The following SMARCC1 variants were observed in gnomAD, a reference collection of about 807,000 sequenced individuals.
SMARCC1 encodes the protein SWI/SNF related BAF chromatin remodeling complex subunit C1.
In SMARCC1, 43 loss-of-function variants were observed where a neutral mutation model predicts 147.4. That is an observed-to-expected ratio of 0.29 (90% CI 0.23 to 0.38). SMARCC1 has a LOEUF of 0.38. Among genes scored for constraint, SMARCC1 ranks in the 10% least tolerant of loss-of-function variants. The pLI is 1.00. For missense variants in SMARCC1, 1,119 were observed against 1,381.1 expected (o/e 0.81, Z 3.01); for synonymous variants, 495 against 484.4 (o/e 1.02, Z -0.29).
Position 47,768,050 on chromosome 3 carries a change from G to A in SMARCC1, c.315+4767C>T, listed in dbSNP as rs577797797. Reference sequence around the variant, plus strand: ...GTAGAGACGGGGCCTATGTTGCCCAGGCTAGTTTCAAACTCCTGGGCTCAA... The same window carrying A: ...GTAGAGACGGGGCCTATGTTGCCCAAGCTAGTTTCAAACTCCTGGGCTCAA... On this transcript the variant is annotated intron_variant, in intron 2 of 27. Transcript: ENST00000254480. Among the ~76,000 whole-genome samples the A allele has an allele frequency of 2.6e-5, 4 of 152,062 alleles. No homozygotes were observed. The East Asian group carries it at 7.7e-4, about 29-fold the overall frequency.
chr3:47,694,919 A>T (rs1432083534), intron 11 of SMARCC1, among the ~76,000 whole-genome samples: 1 of 152,192 alleles, frequency 6.6e-6, no homozygotes, highest in African/African-American at 2.4e-5. Flanking sequence ...TTAGGATTCT[A>T]GTCCTTTGTT....
chr3:47,761,286 A>G (rs1222098476), intron 2 of SMARCC1, among the ~76,000 whole-genome samples: 1 of 152,040 alleles, frequency 6.6e-6, no homozygotes, highest in Non-Finnish European at 1.5e-5. Context: ...TGGGTGACAG[A>G]GCAAGGCAGT....
chr3:47,588,080 C>G lies in SMARCC1; in HGVS notation c.*129G>C. On this transcript the variant is annotated 3_prime_UTR_variant, in exon 28 of 28. Coordinates refer to ENST00000254480, the MANE Select transcript of SMARCC1 (RefSeq NM_003074.4). ...GGGTGGTAAGAGGAGTGGGGAGGCA[C>G]GGGACACGTGCTTGGAGCTGTGAGA... 1 of 709,944 alleles carries G rather than the reference C, an allele frequency of 1.4e-6. No individual in the cohort carries two copies. Among genetic ancestry groups the G allele is most frequent in the Non-Finnish European group, 2.4e-6 (1 of 417,748 alleles). 44.0% of individuals were successfully genotyped at this position (709,944 alleles called of 1,614,324 possible).
chr3:47,660,032 C>T (rs1288709629), intron 21 of SMARCC1, among the ~76,000 whole-genome samples: 1 of 152,062 alleles, frequency 6.6e-6, no homozygotes, highest in Non-Finnish European at 1.5e-5. Context: ...AACAAAATTA[C>T]CATATAACTC....
chr3:47,765,489 C>T (rs919605455), intron 2 of SMARCC1, among the ~76,000 whole-genome samples: 1 of 151,876 alleles, frequency 6.6e-6, no homozygotes, highest in Admixed American at 6.6e-5. Flanking sequence ...AGAAACTAAA[C>T]CATTATTCCA....
chr3:47,780,958 C>T (rs1416350707), intron 1 of SMARCC1, among the ~76,000 whole-genome samples: 1 of 152,114 alleles, frequency 6.6e-6, no homozygotes, highest in Non-Finnish European at 1.5e-5. Flanking sequence ...GTGGTAAACA[C>T]TACGAAGAAA....
In SMARCC1 at chr3:47,686,033, G is replaced by C. The variant is rs776498284; in HGVS notation, c.1385+16C>G. ...CTGCTCAGTACCATGCTCACAGATG[G>C]AAGTGGTCCACTCACCAGTTATAAT... is the stretch of plus-strand genomic sequence containing the variant. On this transcript the variant is annotated intron_variant, in intron 14 of 27. Coordinates refer to ENST00000254480, the MANE Select transcript of SMARCC1 (RefSeq NM_003074.4). 3 of 1,611,264 alleles carry C rather than the reference G, an allele frequency of 1.9e-6. No homozygotes were observed. Among genetic ancestry groups the C allele is most frequent in the Non-Finnish European group, 2.5e-6 (3 of 1,177,988 alleles).
chr3:47,767,588 G>T lies in SMARCC1; in HGVS notation c.315+5229C>A, dbSNP rs910601513. On this transcript the variant is annotated intron_variant, in intron 2 of 27. Coordinates refer to ENST00000254480, the MANE Select transcript of SMARCC1 (RefSeq NM_003074.4). ...AAAAAAAAGTCCAAATAGTGAACTC[G>T]GCCGGGTGCGGTGGCTCACGCCTGT... 2.1e-5 allele frequency among the ~76,000 whole-genome samples: 3 copies of T among 145,902 alleles called. No individual in the cohort carries two copies. In the Admixed American group the frequency reaches 2.1e-4, roughly 10 times the overall value.
intron 11 of SMARCC1, among the ~76,000 whole-genome samples, chr3:47,698,133 C>G (rs2033876259): frequency 7.1e-6 from 1 of 140,826 alleles, no homozygotes; most frequent in Non-Finnish European, 1.5e-5. Flanking sequence ...ACAATGTCAT[C>G]AAATGAGGTA....
chr3:47,737,568 C>T (rs146840330), intron 4 of SMARCC1, among the ~76,000 whole-genome samples: 1 of 151,982 alleles, frequency 6.6e-6, no homozygotes, highest in South Asian at 2.1e-4. Flanking sequence ...TAAAACAATA[C>T]CTTTCAGAAC....
At chr3:47,745,066 G>A (rs766243165) in intron 3 of SMARCC1, among the ~76,000 whole-genome samples, 11 of 152,062 alleles carry the variant, frequency 7.2e-5, no homozygotes, top group East Asian at 5.8e-4. Flanking sequence ...TCAGGAGTTC[G>A]AGACCAGCCT....
chr3:47,710,865 T>C, intron 8 of SMARCC1, 57 bp from the exon 9 acceptor site: 1 of 1,470,854 alleles, frequency 6.8e-7, no homozygotes, highest in Non-Finnish European at 9.2e-7. Context: ...CTCAAGGTTT[T>C]ACAGTATTGA....
intron 3 of SMARCC1, among the ~76,000 whole-genome samples, chr3:47,740,162 C>G (rs542073012): frequency 6.8e-6 from 1 of 148,048 alleles, no homozygotes; most frequent in South Asian, 2.2e-4. Flanking sequence ...AGATGTGAGC[C>G]ACCACGCCCG....
intron 1 of SMARCC1, among the ~76,000 whole-genome samples, chr3:47,778,190 C>CAAAAAAA (rs762774696): frequency 4.5e-4 from 24 of 52,828 alleles, no homozygotes; most frequent in African/African-American, 1.2e-3. Flanking sequence ...GACTCCATCT[C>CAAAAAAA]AAAAAAAAAA....
intron 2 of SMARCC1, among the ~76,000 whole-genome samples, chr3:47,751,863 C>T (rs2034633827): frequency 6.6e-6 from 1 of 151,996 alleles, no homozygotes; most frequent in Non-Finnish European, 1.5e-5. Flanking sequence ...GAGGGTGGAT[C>T]ACGAGGTCAG....
intron 13 of SMARCC1, among the ~76,000 whole-genome samples, chr3:47,687,127 T>C (rs543160798): frequency 1.3e-5 from 2 of 152,350 alleles, no homozygotes; most frequent in East Asian, 3.9e-4. Flanking sequence ...TTACTACCTA[T>C]AACAGTTTCT....
At chr3:47,670,286 T>C (rs2033478231) in intron 19 of SMARCC1, 1 of 216,386 alleles carries the variant, frequency 4.6e-6, no homozygotes, top group Non-Finnish European at 9.1e-6. Flanking sequence ...CAGAATACTA[T>C]AGGTGAGTTT....
intron 10 of SMARCC1, among the ~76,000 whole-genome samples, chr3:47,703,027 A>G (rs1222680989): frequency 1.3e-5 from 2 of 152,168 alleles, no homozygotes; most frequent in African/African-American, 4.8e-5. Context: ...TCCCAGGTTC[A>G]AGCAATTCTC....
chr3:47,684,568 G>A (rs1369525817), intron 14 of SMARCC1, among the ~76,000 whole-genome samples: 1 of 151,706 alleles, frequency 6.6e-6, no homozygotes, highest in Non-Finnish European at 1.5e-5. Context: ...AACCTCCCAA[G>A]TAGATGGGAT....
Sources: gnomAD v4.1 joint callset for allele counts (sites outside exome capture counted in the v4.1 genomes callset) on GRCh38, gnomAD v4.1.1 for gene constraint, MANE v1.5 for transcripts, NCBI Gene and HGNC (gene_info 2026-07-23, HGNC 2026-07-21) for gene names.